GPR155: variants seen among roughly 807,000 people sequenced by gnomAD.
GPR155 encodes the protein G protein-coupled receptor 155.
Under a neutral mutation model 93.1 loss-of-function variants are expected in GPR155, and 65 were observed. That is an observed-to-expected ratio of 0.70 (90% confidence interval 0.57 to 0.86). The LOEUF (loss-of-function observed/expected upper bound fraction) is 0.86, where lower values mean the gene tolerates loss of function less well. Among genes scored for constraint, GPR155 ranks in the 40% least tolerant of loss-of-function variants. The probability of loss-of-function intolerance (pLI) is 0.00; values close to 1 mark genes in which losing one functional copy is unlikely to be tolerated. For missense variants in GPR155, 838 were observed against 1,034.8 expected, an observed-to-expected ratio of 0.81 and a Z score of 2.61; for synonymous variants, 319 against 360.1, an observed-to-expected ratio of 0.89 and a Z score of 1.29.
chr2:174,466,237 GAGACATGCAA>G (rs1311943995), intron 6 of GPR155, among the ~76,000 whole-genome samples: 4 of 152,066 alleles, frequency 2.6e-5, no homozygotes, highest in African/African-American at 4.8e-5. Flanking sequence ...ATTATAATTT[GAGACATGCAA>G]AGATTAATTA....
chr2:174,431,639 AATG>A lies in GPR155; in HGVS notation c.*4474_*4476del, dbSNP rs1310116558. 1 of 152,188 alleles carries A rather than the reference AATG, an allele frequency of 6.6e-6. No individual in the cohort carries two copies. The highest frequency in any genetic ancestry group is 1.5e-5 in the Non-Finnish European group (1 of 68,036). The allele number at this position is 152,188 out of a possible 1,614,324, so 9.4% of individuals were successfully genotyped here. A position where few individuals can be genotyped will look rare whatever the true frequency, so the allele number is the denominator to read the frequency against. ...TTTATAATCTCATCTTTTCTTGAAG[AATG>A]ATGATAACATTTATGATCCTGAACT... On this transcript the variant is annotated 3_prime_UTR_variant, in exon 16 of 16. Coordinates refer to ENST00000392552, the MANE Select transcript of GPR155 (RefSeq NM_152529.7).
intron 2 of GPR155, among the ~76,000 whole-genome samples, chr2:174,477,382 A>C (rs950609291): frequency 1.3e-5 from 2 of 152,194 alleles, no homozygotes; most frequent in Non-Finnish European, 2.9e-5. Flanking sequence ...CATGTTATAC[A>C]ATAAATCTAA....
At chr2:174,476,621 A>G (rs1688174612) in intron 2 of GPR155, among the ~76,000 whole-genome samples, 1 of 150,564 alleles carries the variant, frequency 6.6e-6, no homozygotes, top group Admixed American at 6.6e-5. Context: ...AAAAAACAAA[A>G]CAAAAAAAAA....
At chr2:174,450,895 A>G (rs930444973) in intron 11 of GPR155, among the ~76,000 whole-genome samples, 2 of 152,212 alleles carry the variant, frequency 1.3e-5, no homozygotes, top group African/African-American at 4.8e-5. Context: ...GTTGCTAAGT[A>G]TAAAGAAAGT....
chr2:174,436,472 A>G, intron 15 of GPR155, 56 bp from the exon 16 acceptor site: 1 of 1,498,486 alleles, frequency 6.7e-7, no homozygotes, highest in South Asian at 1.2e-5. Flanking sequence ...TCAGCACTGC[A>G]TGATAGAGGA....
chr2:174,471,580 A>G (rs1387889693), intron 3 of GPR155, among the ~76,000 whole-genome samples: 1 of 151,964 alleles, frequency 6.6e-6, no homozygotes, highest in Non-Finnish European at 1.5e-5. Flanking sequence ...ATTTTTCAGG[A>G]TTTCATAGAA....
intron 4 of GPR155, among the ~76,000 whole-genome samples, chr2:174,469,339 A>G (rs1441450421): frequency 6.6e-6 from 1 of 152,220 alleles, no homozygotes; most frequent in Admixed American, 6.5e-5. Context: ...ATGGTTAGTT[A>G]TCCTCTAAGT....
intron 9 of GPR155, 37 bp from the exon 10 acceptor site, chr2:174,460,125 A>C: frequency 7.1e-7 from 1 of 1,401,838 alleles, no homozygotes; most frequent in Non-Finnish European, 1.0e-6. Flanking sequence ...GCCACTTTTC[A>C]CAACTTCATC....
In GPR155 at chr2:174,444,986, C is replaced by A. The variant is rs1332053633; in HGVS notation, c.2109+95G>T. 3 of 655,182 alleles carry A rather than the reference C, an allele frequency of 4.6e-6. No homozygotes were observed. In the African/African-American group the frequency reaches 5.5e-5, roughly 12 times the overall value. 40.6% of individuals were successfully genotyped at this position (655,182 alleles called of 1,614,324 possible). A position where few individuals can be genotyped will look rare whatever the true frequency, so the allele number is the denominator to read the frequency against. Reference sequence around the variant, plus strand: ...TAAATCCTTTTTATGTGAAAGAAAACAACATCCTAATCCACTCCCCGCTTC... The same window carrying A: ...TAAATCCTTTTTATGTGAAAGAAAAAAACATCCTAATCCACTCCCCGCTTC... On this transcript the variant is annotated intron_variant, in intron 13 of 15. Transcript: ENST00000392552.
At chr2:174,453,555 G>A (rs1574708811) in intron 11 of GPR155, among the ~76,000 whole-genome samples, 182 bp downstream of exon 11, 1 of 151,464 alleles carries the variant, frequency 6.6e-6, no homozygotes, top group East Asian at 1.9e-4. Flanking sequence ...AGCTACTCAG[G>A]AGGCTGAGGC....
intron 3 of GPR155, 111 bp downstream of exon 3, chr2:174,472,854 G>T: frequency 1.3e-6 from 1 of 777,468 alleles, no homozygotes. Context: ...ATTCTACAAG[G>T]AGGGGTTATT....
rs1477387827 is a variant in GPR155, at chr2:174,448,523, GTTTTTTGTTT to G, written c.1877-1786_1877-1777del. On this transcript the variant is annotated intron_variant, in intron 11 of 15. Coordinates refer to ENST00000392552, the MANE Select transcript of GPR155 (RefSeq NM_152529.7). ...TATACTGGGAAGTTTTTTGTTTTTT[GTTTTTTGTTT>G]TTTTTTTTTTTTTTTGAGACGGAGT... Among the ~76,000 whole-genome samples, 130 of 102,922 alleles carry G rather than the reference GTTTTTTGTTT, an allele frequency of 1.3e-3. 1 individual carries two copies. Among genetic ancestry groups the G allele is most frequent in the African/African-American group, 6.4e-3 (128 of 20,018 alleles). 67.5% of individuals were successfully genotyped at this position (102,922 alleles called of 152,430 possible).
intron 2 of GPR155, among the ~76,000 whole-genome samples, chr2:174,477,773 T>A (rs959823459): frequency 6.6e-6 from 1 of 152,098 alleles, no homozygotes; most frequent in African/African-American, 2.4e-5. Flanking sequence ...TAGGTTCTAA[T>A]TAATTAATGC....
chr2:174,473,348 T>C lies in GPR155; in HGVS notation c.477A>G (p.Gln159=). The change falls in exon 3 of 16, where the codon CAA becomes CAG. Residue 159 remains glutamine (Q), a synonymous_variant. Transcript: ENST00000392552. ...ACTGGAGATATTCTGGGTATGTAGT[T>C]TGATATAAAGCTTCAACTGCAAAAC... ...LGYPIVEALY[Q]TTYPEYLQYI... 1.9e-6 allele frequency: 3 copies of C among 1,584,360 alleles called. No homozygotes were observed. The highest frequency in any genetic ancestry group is 4.5e-5 in the East Asian group (2 of 44,672).
At chr2:174,462,806 C>T (rs367623280) in intron 7 of GPR155, among the ~76,000 whole-genome samples, 17 of 152,194 alleles carry the variant, frequency 1.1e-4, no homozygotes, top group Middle Eastern at 3.2e-3. Context: ...ACTTTCCTTA[C>T]AACTTATATG....
intron 11 of GPR155, among the ~76,000 whole-genome samples, chr2:174,451,734 C>T (rs1687326875): frequency 6.6e-6 from 1 of 152,152 alleles, no homozygotes; most frequent in African/African-American, 2.4e-5. Context: ...CAGCTGCAAC[C>T]TCCTGGGCTC....
At chr2:174,461,553 G>A in intron 8 of GPR155, 35 bp downstream of exon 8, 2 of 1,555,938 alleles carry the variant, frequency 1.3e-6, no homozygotes, top group South Asian at 2.2e-5. Flanking sequence ...TGTCTATATG[G>A]AAAGGTGTAA....
At position 174,448,533 on chromosome 2, in the gene GPR155, T is replaced by G. The variant is rs1268109254; in HGVS notation, c.1877-1786A>C. Among the ~76,000 whole-genome samples the G allele has an allele frequency of 2.6e-4, 27 of 102,048 alleles. 1 individual carries two copies. The highest frequency in any genetic ancestry group is 2.2e-3 in the East Asian group (10 of 4,556). 66.9% of individuals were successfully genotyped at this position (102,048 alleles called of 152,430 possible). A position where few individuals can be genotyped will look rare whatever the true frequency, so the allele number is the denominator to read the frequency against. ...AGTTTTTTGTTTTTTGTTTTTTGTT[T>G]TTTTTTTTTTTTTTTGAGACGGAGT... On this transcript the variant is annotated intron_variant, in intron 11 of 15. Coordinates refer to ENST00000392552, the MANE Select transcript of GPR155 (RefSeq NM_152529.7).
intron 15 of GPR155, among the ~76,000 whole-genome samples, chr2:174,436,911 C>T (rs999961021): frequency 3.9e-5 from 6 of 152,130 alleles, no homozygotes; most frequent in Non-Finnish European, 7.4e-5. Context: ...CTACATACAT[C>T]ATAGTGCCCC....
Sources: gnomAD v4.1 joint callset for allele counts (sites outside exome capture counted in the v4.1 genomes callset) on GRCh38, gnomAD v4.1.1 for gene constraint, MANE v1.5 for transcripts, NCBI Gene and HGNC (gene_info 2026-07-23, HGNC 2026-07-21) for gene names.